CCDC194: variants seen among roughly 807,000 people sequenced by gnomAD.
CCDC194 encodes coiled-coil domain containing 194, also known as coiled-coil domain-containing protein 194.
In CCDC194, 8 loss-of-function variants were observed where a neutral mutation model predicts 4.9. That is an observed-to-expected ratio of 1.65 (90% CI 0.97 to 2.97). The LOEUF is 2.97. Among genes scored for constraint, CCDC194 ranks in the 30% most tolerant of loss-of-function variants. The probability of loss-of-function intolerance (pLI) is 0.00; values close to 1 mark genes in which losing one functional copy is unlikely to be tolerated. For synonymous variants in CCDC194, 13 were observed against 17.0 expected (o/e 0.76, Z 0.58); for missense variants, 52 against 43.1 (o/e 1.21, Z -0.58).
At chr19:17,392,049 T>G in intron 1 of CCDC194, 1 of 492,032 alleles carries the variant, frequency 2.0e-6, no homozygotes, top group South Asian at 3.5e-5. Context: ...GCTGCCTGCC[T>G]GGAGGGAGAT....
chr19:17,390,880 C>A lies in CCDC194; in HGVS notation c.555-221G>T, dbSNP rs866475610. Among the ~76,000 whole-genome samples the A allele has an allele frequency of 6.6e-6, 1 of 152,014 alleles. No homozygotes were observed. The highest frequency in any genetic ancestry group is 6.6e-5 in the Admixed American group (1 of 15,246). On this transcript the variant is annotated intron_variant, in intron 3 of 3. Coordinates refer to ENST00000636079, the Ensembl canonical transcript of CCDC194. This position sits in a 1 kb window ranked among gnomAD's most constrained non-coding sequence, Gnocchi z 5.5. The stretch of plus-strand genomic sequence containing the variant: ...CCAGCTACATCCCCAGAAGCTCTGT[C>A]CCCCTACCACCAGCCTCTCCCTCGA...
At chr19:17,389,613 C>T (rs1335606137), downstream of CCDC194, among the ~76,000 whole-genome samples, 1 of 152,182 alleles carries the variant, frequency 6.6e-6, no homozygotes. Flanking sequence ...AATTAACAGA[C>T]TTGGCAATAT....
downstream of CCDC194, among the ~76,000 whole-genome samples, chr19:17,389,822 G>A (rs2074647658): frequency 6.6e-6 from 1 of 152,136 alleles, no homozygotes. Context: ...AAAATCAGCT[G>A]GGCGTAGTGG....
At chr19:17,393,986 G>A (rs973203390) in exon 1 of CCDC194, 10 of 392,902 alleles carry the variant, frequency 2.5e-5, no homozygotes, top group Non-Finnish European at 4.0e-5. Context: ...GTCCCCGGGC[G>A]GCGCCGTGGC....
chr19:17,393,867 C>T, exon 1 of CCDC194: 1 of 397,744 alleles, frequency 2.5e-6, no homozygotes, highest in Non-Finnish European at 4.4e-6. Context: ...AATGCCTTCT[C>T]CAACTCGTGC....
intron 1 of CCDC194, chr19:17,392,311 T>TAA (rs77753979): frequency 1.7e-4 from 24 of 137,526 alleles, no homozygotes; most frequent in Admixed American, 3.6e-4. Context: ...CATCTCTACT[T>TAA]AAAAAAAAAA....
intron 3 of CCDC194, 107 bp downstream of exon 3, chr19:17,391,103 AT>A (rs2074652754): frequency 6.6e-6 from 2 of 302,658 alleles, no homozygotes; most frequent in Non-Finnish European, 1.2e-5. Context: ...CCCCACCACA[AT>A]TCCACGCCCA....
chr19:17,391,308 A>G, exon 3 of CCDC194: 2 of 424,838 alleles, frequency 4.7e-6, no homozygotes, highest in Non-Finnish European at 8.2e-6. Flanking sequence ...CGCCGCGTAG[A>G]CTCCGTGGCC....
At chr19:17,391,635 C>T in intron 2 of CCDC194, 115 bp downstream of exon 2, 3 of 1,528,194 alleles carry the variant, frequency 2.0e-6, no homozygotes, top group Non-Finnish European at 1.7e-6. Context: ...TAAGTTTTTG[C>T]GTTTATATCC....
downstream of CCDC194, among the ~76,000 whole-genome samples, chr19:17,387,792 T>G (rs1288580226): frequency 1.3e-5 from 2 of 152,180 alleles, no homozygotes; most frequent in African/African-American, 4.8e-5. Flanking sequence ...TTAACATATC[T>G]TAGAGAAGAT....
downstream of CCDC194, among the ~76,000 whole-genome samples, chr19:17,387,450 G>T (rs1319871751): frequency 6.6e-6 from 1 of 152,048 alleles, no homozygotes; most frequent in African/African-American, 2.4e-5. Context: ...GGGCACAGCG[G>T]CTCAGGCCTG....
chr19:17,393,754 A>G, intron 1 of CCDC194, 81 bp downstream of exon 1: 1 of 391,472 alleles, frequency 2.6e-6, no homozygotes, highest in Non-Finnish European at 4.5e-6. Flanking sequence ...ACAGGGAGGG[A>G]ACCCTGGAGT....
chr19:17,391,564 G>A (rs2074654821), intron 2 of CCDC194, 186 bp downstream of exon 2: 1 of 1,384,600 alleles, frequency 7.2e-7, no homozygotes, highest in Admixed American at 2.4e-5. Flanking sequence ...CATGTTTTGT[G>A]GCATTTGCCT....
chr19:17,387,896 A>T (rs913201323), downstream of CCDC194, among the ~76,000 whole-genome samples: 8 of 150,800 alleles, frequency 5.3e-5, no homozygotes, highest in Non-Finnish European at 1.2e-4. Context: ...ATTTATTTTT[A>T]TTTTTTTTGA....
chr19:17,392,725 G>GATTT (rs200522904), intron 1 of CCDC194, among the ~76,000 whole-genome samples: 3,949 of 152,066 alleles, frequency 0.026, 129 homozygotes, highest in African/African-American at 0.071. Context: ...GGTTTATTTG[G>GATTT]ATTTATTTAT....
At chr19:17,393,589 A>G (rs540336294) in intron 1 of CCDC194, among the ~76,000 whole-genome samples, 59 of 152,100 alleles carry the variant, frequency 3.9e-4, no homozygotes, top group African/African-American at 1.4e-3. Flanking sequence ...GGGTTTCACC[A>G]TATTGGCCAG....
At chr19:17,391,904 G>A (rs147454408) in intron 1 of CCDC194, 58 bp from the exon 2 acceptor site, 6 of 1,419,300 alleles carry the variant, frequency 4.2e-6, no homozygotes, top group African/African-American at 2.9e-5. Context: ...GGAGTGATTC[G>A]GCCTGGCCCT....
intron 1 of CCDC194, among the ~76,000 whole-genome samples, chr19:17,392,707 G>T (rs759785150): frequency 1.7e-4 from 26 of 152,116 alleles, no homozygotes; most frequent in African/African-American, 2.4e-4. Context: ...GGGCAGAAAA[G>T]GGGTAGGGGT....
intron 2 of CCDC194, 35 bp from the exon 3 acceptor site, chr19:17,391,378 T>TGCCCCCCCCCCC: frequency 2.0e-6 from 1 of 501,588 alleles, no homozygotes. Context: ...GGCTGGAGAC[T>TGCCCCCCCCCCC]CCCGCGCCCA....
Sources: gnomAD v4.1 joint callset for allele counts (sites outside exome capture counted in the v4.1 genomes callset) on GRCh38, gnomAD v4.1.1 for gene constraint, Gnocchi (gnomAD v3.1) non-coding constraint, MANE v1.5 for transcripts, NCBI Gene and HGNC (gene_info 2026-07-23, HGNC 2026-07-21) for gene names.